The following DRG2 variants were observed in gnomAD, a reference collection of about 807,000 sequenced individuals.
DRG2 encodes the protein developmentally-regulated GTP-binding protein 2.
Under a neutral mutation model 53.4 loss-of-function variants are expected in DRG2, and 36 were observed. The ratio of observed to expected loss-of-function variants is 0.67; its 90% CI spans 0.52 to 0.89. The LOEUF (loss-of-function observed/expected upper bound fraction) is 0.89. DRG2 is among the 40% of genes least tolerant of loss of function. The pLI is 0.00. For missense variants in DRG2, 342 were observed against 481.2 expected (o/e 0.71, Z 2.71); for synonymous variants, 167 against 192.1 (o/e 0.87, Z 1.08).
At chr17:18,094,155 G>A in intron 2 of DRG2, 182 bp downstream of exon 2, 1 of 738,410 alleles carries the variant, frequency 1.4e-6, no homozygotes, top group Non-Finnish European at 2.1e-6. Flanking sequence ...CTTTCCTCTT[G>A]CCAGCAGATG....
At chr17:18,089,890 T>G (rs1330995782) in intron 1 of DRG2, among the ~76,000 whole-genome samples, 1 of 151,868 alleles carries the variant, frequency 6.6e-6, no homozygotes, top group Non-Finnish European at 1.5e-5. Flanking sequence ...GAGCCATAGG[T>G]CATGGGAAAG....
Position 18,101,579 on chromosome 17 carries a change from C to A in DRG2, c.718C>A (p.Pro240Thr). Residue 240 changes from proline to threonine, a missense_variant, in exon 8 of 13, where the codon CCC (proline) becomes ACC (threonine). By Grantham distance (38) the Pro-to-Thr change is conservative (BLOSUM62 -1). Coordinates refer to ENST00000225729, the MANE Select transcript of DRG2 (RefSeq NM_001388.5). ...GATCGTGGGCAACCGGGTGTACATG[C>A]CCTGCCTGTATGTAAGTGCAGGAGG... ...DVIVGNRVYM[P>T]CLYVYNKIDQ... 1 of 1,614,146 alleles carries A rather than the reference C, an allele frequency of 6.2e-7. No homozygotes were observed. The highest frequency in any genetic ancestry group is 8.5e-7 in the Non-Finnish European group (1 of 1,180,010).
At position 18,098,178 on chromosome 17, in the gene DRG2, G is replaced by T; in HGVS notation, c.226-92G>T. On this transcript the variant is annotated intron_variant, in intron 2 of 12. Coordinates refer to ENST00000225729, the MANE Select transcript of DRG2 (RefSeq NM_001388.5). The surrounding 1 kb of genome is among the most constrained non-coding windows in gnomAD (Gnocchi z 4.1). Reference sequence around the variant, plus strand: ...GCCGAGGGTGAGAGGGTCTCCTCCTGCTGCCTGCACCTGCAGGCCCCCAGC... The same window carrying T: ...GCCGAGGGTGAGAGGGTCTCCTCCTTCTGCCTGCACCTGCAGGCCCCCAGC... The T allele has an allele frequency of 9.6e-7, 1 of 1,042,454 alleles. No individual in the cohort carries two copies. Among genetic ancestry groups the T allele is most frequent in the Non-Finnish European group, 1.5e-6 (1 of 679,180 alleles). The allele number at this position is 1,042,454 out of a possible 1,614,324, so 64.6% of individuals were successfully genotyped here. A position where few individuals can be genotyped will look rare whatever the true frequency, so the allele number is the denominator to read the frequency against.
chr17:18,098,223 A>C lies in DRG2; in HGVS notation c.226-47A>C. ...CCCAGCCCCTGGGGCCTCTCCCAGA[A>C]GGCCAGGGACAAGGCTCCTCAGTGC... On this transcript the variant is annotated intron_variant, in intron 2 of 12. Transcript: ENST00000225729. The surrounding 1 kb of genome is among the most constrained non-coding windows in gnomAD (Gnocchi z 4.1). The C allele has an allele frequency of 6.5e-7, 1 of 1,539,448 alleles. No homozygotes were observed. The highest frequency in any genetic ancestry group is 9.0e-7 in the Non-Finnish European group (1 of 1,114,426).
rs914214919 is a variant in DRG2 at position 18,107,400 on chromosome 17, G to A, written c.*160G>A. ...ACAGAAGTTTCTTCAGTAGGCAGAC[G>A]AAGAGTGTGTTGGGGCAAAGGGGCT... On this transcript the variant is annotated 3_prime_UTR_variant, in exon 13 of 13. Transcript: ENST00000225729. 15 of 717,108 alleles carry A rather than the reference G, an allele frequency of 2.1e-5. No individual in the cohort carries two copies. Among genetic ancestry groups the A allele is most frequent in the African/African-American group, 3.5e-5 (2 of 56,660 alleles). 44.4% of individuals were successfully genotyped at this position (717,108 alleles called of 1,614,324 possible). A position where few individuals can be genotyped will look rare whatever the true frequency, so the allele number is the denominator to read the frequency against.
chr17:18,101,139 C>T (rs1438788609), intron 7 of DRG2, among the ~76,000 whole-genome samples: 1 of 152,108 alleles, frequency 6.6e-6, no homozygotes, highest in African/African-American at 2.4e-5. Flanking sequence ...GGCAGGATGG[C>T]CCCCAGTGGA....
intron 7 of DRG2, 138 bp from the exon 8 acceptor site, chr17:18,101,355 A>G: frequency 4.2e-6 from 3 of 707,482 alleles, no homozygotes; most frequent in East Asian, 2.7e-5. Flanking sequence ...AAGCATTACA[A>G]TCTTGCAAAA....
chr17:18,106,230 G>A, intron 11 of DRG2: 1 of 602,014 alleles, frequency 1.7e-6, no homozygotes, highest in Non-Finnish European at 3.0e-6. Flanking sequence ...GAGTGGGAAT[G>A]GCAGGGCCAC....
intron 10 of DRG2, among the ~76,000 whole-genome samples, chr17:18,104,256 G>T (rs1378257516): frequency 2.6e-5 from 4 of 152,200 alleles, no homozygotes; most frequent in Non-Finnish European, 5.9e-5. Flanking sequence ...GCTGAATTCG[G>T]AGCAGTTTGC....
At position 18,090,387 on chromosome 17, in the gene DRG2, TATATATATATATATATA is replaced by T. The variant is rs2045302190; in HGVS notation, c.64+2301_64+2317del. ...GCTAATTTATATATATATATATATA[TATATATATATATATATA>T]TATTTTTTTTTTTTTTTTTTTTTTT... On this transcript the variant is annotated intron_variant, in intron 1 of 12. Coordinates refer to ENST00000225729, the MANE Select transcript of DRG2 (RefSeq NM_001388.5). Among the ~76,000 whole-genome samples, 7 of 12,108 alleles carry T rather than the reference TATATATATATATATATA, an allele frequency of 5.8e-4. 1 individual carries two copies. Among genetic ancestry groups the T allele is most frequent in the East Asian group, 3.1e-3 (1 of 322 alleles). 7.9% of individuals were successfully genotyped at this position (12,108 alleles called of 152,430 possible). A position where few individuals can be genotyped will look rare whatever the true frequency, so the allele number is the denominator to read the frequency against.
At position 18,100,464 on chromosome 17, in the gene DRG2, G is replaced by A. The variant is rs754650231; in HGVS notation, c.540+29G>A. ...AGGCACCTCTCTGGCCTTCAGGCCA[G>A]GGGTGTGGCAGTTTTGAGACTGCAT... is the stretch of plus-strand genomic sequence containing the variant. On this transcript the variant is annotated intron_variant, in intron 6 of 12. Transcript: ENST00000225729. The surrounding 1 kb of genome is among the most constrained non-coding windows in gnomAD (Gnocchi z 4.1). The A allele has an allele frequency of 6.2e-7, 1 of 1,614,234 alleles. No individual in the cohort carries two copies. Among genetic ancestry groups the A allele is most frequent in the South Asian group, 1.1e-5 (1 of 91,080 alleles).
chr17:18,095,042 T>A (rs1455169469), intron 2 of DRG2, among the ~76,000 whole-genome samples: 2 of 133,968 alleles, frequency 1.5e-5, no homozygotes, highest in African/African-American at 5.7e-5. Context: ...TAGCGTATAA[T>A]CTATATTGGT....
chr17:18,094,857 T>C (rs1407459552), intron 2 of DRG2, among the ~76,000 whole-genome samples: 4 of 148,944 alleles, frequency 2.7e-5, no homozygotes, highest in African/African-American at 9.9e-5. Context: ...GCCTGTAATC[T>C]CAGTTACTCG....
chr17:18,106,830 C>T (rs1442264486), intron 12 of DRG2, among the ~76,000 whole-genome samples: 1 of 151,946 alleles, frequency 6.6e-6, no homozygotes, highest in Non-Finnish European at 1.5e-5. Context: ...GCTGGGACTA[C>T]AGGCACACAC....
At chr17:18,095,165 C>T (rs1170832811) in intron 2 of DRG2, among the ~76,000 whole-genome samples, 1 of 151,140 alleles carries the variant, frequency 6.6e-6, no homozygotes, top group African/African-American at 2.4e-5. Flanking sequence ...GCATCCGCCA[C>T]CACCCCTGGC....
intron 2 of DRG2, 84 bp downstream of exon 2, chr17:18,094,057 C>G (rs1344765840): frequency 1.3e-6 from 2 of 1,529,736 alleles, no homozygotes; most frequent in Non-Finnish European, 1.8e-6. Flanking sequence ...CCCCTCGCTG[C>G]CTTTCTGCTT....
Position 18,100,025 on chromosome 17 carries a change from A to G in DRG2, c.467+302A>G, listed in dbSNP as rs2057739253. The stretch of plus-strand genomic sequence containing the variant: ...ACCTGCCAGGAGCCCAGCCCCAGGC[A>G]CAGAAGCATTGTTCATCCACATCCT... On this transcript the variant is annotated intron_variant, in intron 5 of 12. Coordinates refer to ENST00000225729, the MANE Select transcript of DRG2 (RefSeq NM_001388.5). The surrounding 1 kb of genome is among the most constrained non-coding windows in gnomAD (Gnocchi z 4.1). The G allele has an allele frequency of 1.0e-5, 6 of 579,206 alleles. No individual in the cohort carries two copies. In the South Asian group the frequency reaches 1.2e-4, roughly 12 times the overall value. The allele number at this position is 579,206 out of a possible 1,614,324, so 35.9% of individuals were successfully genotyped here.
rs116436892 is a variant in DRG2 at position 18,107,790 on chromosome 17, A to G, written c.*550A>G. Reference sequence around the variant, plus strand: ...GCCCAGCTGACACCCTCCACAGCCTAAGGGGTGTCCTAAAGTGCCTCCCCC... The same window carrying G: ...GCCCAGCTGACACCCTCCACAGCCTGAGGGGTGTCCTAAAGTGCCTCCCCC... On this transcript the variant is annotated 3_prime_UTR_variant, in exon 13 of 13. Coordinates refer to ENST00000225729, the MANE Select transcript of DRG2 (RefSeq NM_001388.5). The G allele has an allele frequency of 3.7e-3, 591 of 159,516 alleles. 6 individuals are homozygous for G. Among genetic ancestry groups the G allele is most frequent in the African/African-American group, 0.013 (563 of 41,740 alleles). The allele number at this position is 159,516 out of a possible 1,614,324, so 9.9% of individuals were successfully genotyped here.
At chr17:18,106,401 A>C (rs1461901702) in intron 11 of DRG2, 32 bp from the exon 12 acceptor site, 3 of 1,613,356 alleles carry the variant, frequency 1.9e-6, no homozygotes, top group Non-Finnish European at 2.5e-6. Context: ...GTGAAGCCTC[A>C]CCTCTCTACC....
Sources: allele counts gnomAD v4.1 joint callset (sites outside exome capture counted in the v4.1 genomes callset), GRCh38; gene constraint gnomAD v4.1.1; non-coding constraint Gnocchi (gnomAD v3.1); transcripts MANE v1.5; gene names NCBI Gene and HGNC (gene_info 2026-07-23, HGNC 2026-07-21).